ATL1: variants seen among roughly 807,000 people sequenced by gnomAD.
ATL1 encodes atlastin-1.
A neutral mutation model predicts 75.5 loss-of-function variants in ATL1; 31 were observed. The observed-to-expected ratio is 0.41, with a 90% CI of 0.31 to 0.55. The LOEUF (loss-of-function observed/expected upper bound fraction) is 0.55. Ranked by LOEUF, ATL1 falls within the 20% of genes least tolerant of loss-of-function variation. The pLI, the probability that ATL1 is intolerant of heterozygous loss-of-function variation, is 0.27. For synonymous variants in ATL1, 226 were observed against 233.3 expected, an observed-to-expected ratio of 0.97 and a Z score of 0.28; for missense variants, 405 against 662.6, an observed-to-expected ratio of 0.61 and a Z score of 4.27.
intron 1 of ATL1, among the ~76,000 whole-genome samples, chr14:50,550,943 T>G (rs776441579): frequency 1.3e-5 from 2 of 151,550 alleles, no homozygotes; most frequent in Non-Finnish European, 2.9e-5. Flanking sequence ...CATCAAAAAG[T>G]CTGAAAGAGC....
intron 1 of ATL1, among the ~76,000 whole-genome samples, chr14:50,579,766 C>T: frequency 6.6e-6 from 1 of 152,182 alleles, no homozygotes. Flanking sequence ...GGGTACATCT[C>T]TTCCTGGCTC....
chr14:50,562,578 G>T (rs1460206914), intron 1 of ATL1, among the ~76,000 whole-genome samples: 2 of 152,158 alleles, frequency 1.3e-5, no homozygotes, highest in Non-Finnish European at 2.9e-5. Context: ...TACTACCTTA[G>T]ATTATTTACA....
Position 50,632,304 on chromosome 14 carries a change from G to T in ATL1, c.1642G>T (p.Glu548Ter). 6.2e-7 allele frequency: 1 copy of T among 1,613,242 alleles called. No homozygotes were observed. The highest frequency in any genetic ancestry group is 1.1e-5 in the South Asian group (1 of 91,044). ...TCAAGCTTTCCCTACACCAAAGTCGGAATCTACTGAACAATCAGAAAAGAA... is the reference window on the plus strand; with the variant it reads ...TCAAGCTTTCCCTACACCAAAGTCGTAATCTACTGAACAATCAGAAAAGAA... The part of the protein sequence containing the change: ...YHQAFPTPKS[E>*]STEQSEKKKM The change falls in exon 14 of 14, where the codon GAA (glutamate) becomes TAA (stop). Residue 548 changes from glutamate (E) to a stop codon, truncating the protein, a stop_gained. Coordinates refer to ENST00000358385, the MANE Select transcript of ATL1 (RefSeq NM_015915.5). LOFTEE classifies it high-confidence loss of function.
chr14:50,540,248 T>C (rs114429414), intron 1 of ATL1, among the ~76,000 whole-genome samples: 2,160 of 152,306 alleles, frequency 0.014, 41 homozygotes, highest in African/African-American at 0.049. Flanking sequence ...CTATTATTAA[T>C]CCCTGAGTCT....
chr14:50,543,676 T>C (rs2038593871), intron 1 of ATL1, among the ~76,000 whole-genome samples: 2 of 152,136 alleles, frequency 1.3e-5, no homozygotes, highest in Admixed American at 1.3e-4. Flanking sequence ...GGATGTAGTA[T>C]AGGACTCAAC....
chr14:50,594,077 G>C (rs956278256), intron 5 of ATL1, among the ~76,000 whole-genome samples, 181 bp downstream of exon 5: 3 of 152,190 alleles, frequency 2.0e-5, no homozygotes, highest in Non-Finnish European at 4.4e-5. Context: ...AAAGGAAAGA[G>C]GTTTAATTGA....
intron 4 of ATL1, 143 bp downstream of exon 4, chr14:50,591,782 G>C: frequency 1.6e-6 from 1 of 619,522 alleles, no homozygotes; most frequent in Non-Finnish European, 2.8e-6. Context: ...ACGAGTTCTC[G>C]TGATTTCTGT....
chr14:50,628,193 C>A lies in ATL1; in HGVS notation c.1282C>A (p.Leu428Ile), dbSNP rs2039540543. ...GCAGTTGGAGAGTGAAATAGATGAA[C>A]TTTACATCCAATATATCAAGCACAA... ...LQQLESEIDELYIQYIKHNDS... is the reference protein window; with the variant it reads ...LQQLESEIDEIYIQYIKHNDS... The change falls in exon 12 of 14, where the codon CTT becomes ATT. Residue 428 changes from leucine to isoleucine, a missense_variant. Physicochemically the swap from Leu to Ile is conservative, Grantham distance 5 (BLOSUM62 2). Around this residue, in one of 5 missense-constraint regions of ATL1, gnomAD observed 163 missense variants for 244.1 expected, o/e 0.67. Transcript: ENST00000358385. 6.2e-7 allele frequency: 1 copy of A among 1,614,040 alleles called. No homozygotes were observed. The highest frequency in any genetic ancestry group is 1.3e-5 in the African/African-American group (1 of 74,908).
intron 7 of ATL1, 32 bp from the exon 8 acceptor site, chr14:50,614,341 A>T: frequency 6.2e-7 from 1 of 1,612,712 alleles, no homozygotes; most frequent in Non-Finnish European, 8.5e-7. Context: ...TTGTGATGAA[A>T]GTAGTTTAAA....
intron 1 of ATL1, among the ~76,000 whole-genome samples, chr14:50,567,435 G>A (rs1428393931): frequency 6.6e-6 from 1 of 152,146 alleles, no homozygotes; most frequent in Non-Finnish European, 1.5e-5. Flanking sequence ...TGGTGTACAA[G>A]TATCCCTTTG....
At chr14:50,594,954 A>C (rs1029453507) in intron 5 of ATL1, among the ~76,000 whole-genome samples, 2 of 150,126 alleles carry the variant, frequency 1.3e-5, no homozygotes, top group Admixed American at 1.3e-4. Context: ...AGCAGAGATC[A>C]TGCCACTGCA....
chr14:50,589,240 A>G (rs1595598855), intron 2 of ATL1, among the ~76,000 whole-genome samples: 1 of 149,382 alleles, frequency 6.7e-6, no homozygotes, highest in Non-Finnish European at 1.5e-5. Context: ...GTTCACTGCA[A>G]CCTCTGCCTC....
In ATL1 at chr14:50,620,875, C is replaced by T; in HGVS notation, c.990+149C>T. 3 of 977,956 alleles carry T rather than the reference C, an allele frequency of 3.1e-6. No homozygotes were observed. In the South Asian group the frequency reaches 4.7e-5, roughly 15 times the overall value. 60.6% of individuals were successfully genotyped at this position (977,956 alleles called of 1,614,324 possible). A position where few individuals can be genotyped will look rare whatever the true frequency, so the allele number is the denominator to read the frequency against. ...GATTTTAAAAATCCTTTCTAAAAAGCTTTTTCAAAACCTTTCAGAAAGCTT... is the reference window on the plus strand; with the variant it reads ...GATTTTAAAAATCCTTTCTAAAAAGTTTTTTCAAAACCTTTCAGAAAGCTT... On this transcript the variant is annotated intron_variant, in intron 9 of 13. Coordinates refer to ENST00000358385, the MANE Select transcript of ATL1 (RefSeq NM_015915.5).
chr14:50,550,859 G>C (rs2038693581), intron 1 of ATL1, among the ~76,000 whole-genome samples: 1 of 152,130 alleles, frequency 6.6e-6, no homozygotes, highest in African/African-American at 2.4e-5. Flanking sequence ...GAATGATAGT[G>C]ACACAACTTA....
intron 1 of ATL1, among the ~76,000 whole-genome samples, chr14:50,536,539 T>C (rs766930282): frequency 3.3e-5 from 5 of 151,148 alleles, no homozygotes; most frequent in Non-Finnish European, 7.4e-5. Context: ...CAGGCAGAGG[T>C]TGGAAGAGTT....
chr14:50,547,446 G>A (rs749243206), intron 1 of ATL1, among the ~76,000 whole-genome samples: 1 of 152,098 alleles, frequency 6.6e-6, no homozygotes, highest in Non-Finnish European at 1.5e-5. Flanking sequence ...AAACAAGGAC[G>A]GAGTCTGAAA....
At chr14:50,575,017 T>C (rs1216395849) in intron 1 of ATL1, among the ~76,000 whole-genome samples, 2 of 145,194 alleles carry the variant, frequency 1.4e-5, no homozygotes, top group Non-Finnish European at 3.0e-5. Flanking sequence ...ACTATCTCTT[T>C]TTTCCTCTCT....
intron 1 of ATL1, among the ~76,000 whole-genome samples, chr14:50,563,665 C>T (rs1244107159): frequency 6.6e-6 from 1 of 152,118 alleles, no homozygotes; most frequent in African/African-American, 2.4e-5. Flanking sequence ...ACCTGTAGGT[C>T]TTACAGGGAC....
At chr14:50,584,147 C>G (rs2934685) in intron 1 of ATL1, among the ~76,000 whole-genome samples, 44,766 of 151,678 alleles carry the variant, frequency 0.3, 9,341 homozygotes, top group African/African-American at 0.6. Flanking sequence ...GGCCAAGGCA[C>G]GTGGATCACT....
Sources: allele counts gnomAD v4.1 joint callset (sites outside exome capture counted in the v4.1 genomes callset), GRCh38; gene constraint gnomAD v4.1.1; regional missense constraint gnomAD v4.1.1; transcripts MANE v1.5; gene names NCBI Gene and HGNC (gene_info 2026-07-23, HGNC 2026-07-21).